TMEM44: variants seen among roughly 807,000 people sequenced by gnomAD.
TMEM44 encodes transmembrane protein 44.
In TMEM44, 43 loss-of-function variants were observed where a neutral mutation model predicts 47.8. That is an observed-to-expected ratio of 0.90 (90% CI 0.70 to 1.16). The LOEUF is 1.16. Among genes scored for constraint, TMEM44 ranks in the 50% most tolerant of loss-of-function variants. The pLI, the probability that TMEM44 is intolerant of heterozygous loss-of-function variation, is 0.00. For synonymous variants in TMEM44, 277 were observed against 238.8 expected (o/e 1.16, Z -1.48); for missense variants, 568 against 555.2 (o/e 1.02, Z -0.23).
rs745998398 is a variant in TMEM44 at position 194,615,669 on chromosome 3, C to T, written c.812G>A (p.Ser271Asn). 1.4e-5 allele frequency: 23 copies of T among 1,613,982 alleles called. No individual in the cohort carries two copies. The highest frequency in any genetic ancestry group is 4.0e-5 in the African/African-American group (3 of 74,920). ...AAATCCTAAGGCCTGTCTCATCTTG[C>T]TCTTCATCACACACGAAAGGAAAAT... ...AIIFLSCVMK[S>N]KMRQALGFAK... The change falls in exon 7 of 10, where the codon AGC (serine) becomes AAC (asparagine). Residue 271 changes from serine (S) to asparagine (N), a missense_variant. Physicochemically the swap from Ser to Asn is conservative, Grantham distance 46 (BLOSUM62 1). Transcript: ENST00000347147.
chr3:194,594,141 A>ATCTGTCTGTCTGTCTGTCTGTCTGTCTG (rs1560157644), intron 9 of TMEM44, among the ~76,000 whole-genome samples: 2 of 141,146 alleles, frequency 1.4e-5, no homozygotes, highest in South Asian at 4.4e-4. Context: ...CTATCTATCT[A>ATCTGTCTGTCTGTCTGTCTGTCTGTCTG]TCTATCTATC....
At chr3:194,613,579 G>A (rs1715561027) in intron 7 of TMEM44, among the ~76,000 whole-genome samples, 1 of 150,318 alleles carries the variant, frequency 6.7e-6, no homozygotes. Flanking sequence ...TGCAACCTCC[G>A]CCTCCCAGGT....
intron 8 of TMEM44, 140 bp from the exon 9 acceptor site, chr3:194,604,585 T>TTCTCCCCAG: frequency 8.8e-7 from 1 of 1,137,446 alleles, no homozygotes; most frequent in Non-Finnish European, 1.2e-6. Flanking sequence ...TCTCCTGCCC[T>TTCTCCCCAG]GGCCATCCAG....
intron 7 of TMEM44, among the ~76,000 whole-genome samples, chr3:194,615,350 G>T (rs533920077): frequency 1.3e-5 from 2 of 152,216 alleles, no homozygotes; most frequent in South Asian, 4.1e-4. Flanking sequence ...TCAATGCCCC[G>T]TCCACTCCAT....
At chr3:194,590,600 A>G (rs1712545582) in intron 9 of TMEM44, among the ~76,000 whole-genome samples, 1 of 152,166 alleles carries the variant, frequency 6.6e-6, no homozygotes, top group Admixed American at 6.5e-5. Context: ...AACGGTTTCT[A>G]AGCTGAGGCC....
intron 1 of TMEM44, among the ~76,000 whole-genome samples, chr3:194,629,033 G>A (rs144999319): frequency 0.035 from 5,382 of 152,056 alleles, 125 homozygotes; most frequent in African/African-American, 0.061. Context: ...GTGTGGTGGC[G>A]TGCGCCTGTA....
At chr3:194,630,063 A>G (rs2786978) in intron 1 of TMEM44, among the ~76,000 whole-genome samples, 7 of 98,870 alleles carry the variant, frequency 7.1e-5, no homozygotes, top group African/African-American at 1.7e-4. Context: ...TCCCTGAAAT[A>G]ATACGCTGTC....
chr3:194,600,668 T>C (rs1713987293), intron 9 of TMEM44, among the ~76,000 whole-genome samples: 1 of 152,004 alleles, frequency 6.6e-6, no homozygotes, highest in African/African-American at 2.4e-5. Flanking sequence ...GGGGAATCGC[T>C]TGAACCTGGG....
At chr3:194,629,057 C>T (rs540723091) in intron 1 of TMEM44, among the ~76,000 whole-genome samples, 53 of 151,634 alleles carry the variant, frequency 3.5e-4, no homozygotes, top group African/African-American at 8.9e-4. Flanking sequence ...CCAGCTACTC[C>T]GGAGGCTGAG....
At chr3:194,600,761 A>AAG (rs1553827063) in intron 9 of TMEM44, among the ~76,000 whole-genome samples, 8 of 150,436 alleles carry the variant, frequency 5.3e-5, no homozygotes, top group East Asian at 2.0e-4. Context: ...AAAAGAAAAA[A>AAG]AAGAAGAAGA....
intron 9 of TMEM44, among the ~76,000 whole-genome samples, chr3:194,599,446 CA>C (rs1341160571): frequency 6.6e-6 from 1 of 152,158 alleles, no homozygotes; most frequent in Non-Finnish European, 1.5e-5. Context: ...TTGCTTCAAG[CA>C]AATAGGGGGG....
In TMEM44 at chr3:194,623,645, A is replaced by T; in HGVS notation, c.409T>A (p.Phe137Ile). Reference sequence around the variant, plus strand: ...AGGCTCAGCGGCAGGGCCAGGGCAAACACACTGGCCCTGAGCTGCCGCCTC... The same window carrying T: ...AGGCTCAGCGGCAGGGCCAGGGCAATCACACTGGCCCTGAGCTGCCGCCTC... ...KRRRQLRASV[F>I]ALALPLSLGP... is the part of the protein sequence containing the mutation. The change falls in exon 4 of 10, where the codon TTT (phenylalanine) becomes ATT (isoleucine). Residue 137 changes from phenylalanine (F) to isoleucine (I), a missense_variant. By Grantham distance (21) the Phe-to-Ile change is conservative. Coordinates refer to ENST00000347147, the MANE Select transcript of TMEM44 (RefSeq NM_001011655.3). 6.2e-7 allele frequency: 1 copy of T among 1,613,062 alleles called. No individual in the cohort carries two copies. Among genetic ancestry groups the T allele is most frequent in the South Asian group, 1.1e-5 (1 of 91,036 alleles).
At chr3:194,623,754 T>C (rs950722483) in intron 3 of TMEM44, 59 bp from the exon 4 acceptor site, 1 of 1,602,874 alleles carries the variant, frequency 6.2e-7, no homozygotes. Flanking sequence ...TCAGATCAGA[T>C]AGCTGCGTGG....
At chr3:194,606,267 A>T (rs575815047) in intron 8 of TMEM44, among the ~76,000 whole-genome samples, 1 of 152,278 alleles carries the variant, frequency 6.6e-6, no homozygotes, top group South Asian at 2.1e-4. Context: ...TCTCCTGGAA[A>T]ATCGCTCCTT....
At chr3:194,604,239 G>A (rs1175208103) in intron 9 of TMEM44, 48 bp downstream of exon 9, 1 of 1,555,570 alleles carries the variant, frequency 6.4e-7, no homozygotes, top group Non-Finnish European at 8.7e-7. Context: ...GCAAGTGTCG[G>A]CGAACGATGG....
chr3:194,603,457 G>A (rs1294740603), intron 9 of TMEM44, among the ~76,000 whole-genome samples: 1 of 152,116 alleles, frequency 6.6e-6, no homozygotes, highest in East Asian at 1.9e-4. Context: ...GAGTGCAGTG[G>A]CATGATCTTG....
chr3:194,619,910 G>A (rs1468905368), intron 5 of TMEM44, among the ~76,000 whole-genome samples: 2 of 152,128 alleles, frequency 1.3e-5, no homozygotes, highest in Non-Finnish European at 2.9e-5. Flanking sequence ...ATGAGGAGAC[G>A]ACTACCTCCT....
At chr3:194,626,296 G>A (rs571614030) in intron 2 of TMEM44, among the ~76,000 whole-genome samples, 3 of 152,224 alleles carry the variant, frequency 2.0e-5, no homozygotes, top group Non-Finnish European at 4.4e-5. Context: ...AGTCTCTGCT[G>A]TGTACCCTTG....
intron 7 of TMEM44, 66 bp downstream of exon 7, chr3:194,615,503 T>G (rs1656556044): frequency 1.3e-6 from 2 of 1,580,104 alleles, no homozygotes; most frequent in Admixed American, 3.6e-5. Flanking sequence ...TATCCTGCTG[T>G]TTCTCAAGAT....
Sources: gnomAD v4.1 joint callset for allele counts (sites outside exome capture counted in the v4.1 genomes callset) on GRCh38, gnomAD v4.1.1 for gene constraint, MANE v1.5 for transcripts, NCBI Gene and HGNC (gene_info 2026-07-23, HGNC 2026-07-21) for gene names.